CCDC91: variants seen among roughly 807,000 people sequenced by gnomAD.
CCDC91 encodes coiled-coil domain containing 91, also known as coiled-coil domain-containing protein 91.
CCDC91 carries 48 observed loss-of-function variants against 63.2 expected under a neutral mutation model. The observed-to-expected ratio is 0.76, with a 90% confidence interval of 0.60 to 0.97. The LOEUF is 0.97. CCDC91 is among the 50% of genes least tolerant of loss of function. The pLI is 0.00. For synonymous variants in CCDC91, 167 were observed against 165.8 expected, an observed-to-expected ratio of 1.01 and a Z score of -0.06; for missense variants, 500 against 494.6, an observed-to-expected ratio of 1.01 and a Z score of -0.10.
At chr12:28,379,600 A>T (rs1482300025) in intron 7 of CCDC91, among the ~76,000 whole-genome samples, 2 of 152,160 alleles carry the variant, frequency 1.3e-5, no homozygotes, top group Non-Finnish European at 2.9e-5. Flanking sequence ...AATCAAAACC[A>T]CAGTGAGATA....
At chr12:28,279,703 G>T (rs1948471491) in intron 3 of CCDC91, among the ~76,000 whole-genome samples, 1 of 151,596 alleles carries the variant, frequency 6.6e-6, no homozygotes, top group South Asian at 2.1e-4. Context: ...TTCTAGGGAA[G>T]TTTGTCTATT....
chr12:28,537,338 C>G (rs1942256678), intron 12 of CCDC91, among the ~76,000 whole-genome samples: 1 of 152,114 alleles, frequency 6.6e-6, no homozygotes, highest in African/African-American at 2.4e-5. Context: ...TCTTCATAGA[C>G]TCTTAAGCTA....
intron 3 of CCDC91, among the ~76,000 whole-genome samples, chr12:28,284,653 C>CA (rs536311445): frequency 0.23 from 30,848 of 134,624 alleles, 3,752 homozygotes; most frequent in Non-Finnish European, 0.3. Context: ...AACTAGGTCT[C>CA]AAAAAAAAAA....
chr12:28,549,128 A>G lies in CCDC91; in HGVS notation c.1281A>G (p.Lys427=), dbSNP rs1316655666. The change falls in exon 13 of 13, where the codon AAA becomes AAG. Residue 427 remains lysine (K), a synonymous_variant. Transcript: ENST00000536442. ...SLELFLSCAQ[K]QLSALIATEP... is the part of the protein sequence containing the mutation. ...AACTGTTCCTCTCCTGTGCACAGAA[A>G]CAGTTAAGTGCTTTAATAGCTACGG... is the stretch of plus-strand genomic sequence containing the variant. 6.2e-7 allele frequency: 1 copy of G among 1,612,682 alleles called. No individual in the cohort carries two copies. The highest frequency in any genetic ancestry group is 8.5e-7 in the Non-Finnish European group (1 of 1,178,974).
chr12:28,211,729 A>G (rs1428062336), intron 1 of CCDC91, among the ~76,000 whole-genome samples: 1 of 149,700 alleles, frequency 6.7e-6, no homozygotes, highest in Non-Finnish European at 1.5e-5. Context: ...TGTTGGCTTT[A>G]CTCTCAGGTT....
chr12:28,304,685 A>C (rs6487674), intron 3 of CCDC91: 1,255,333 of 1,266,680 alleles, frequency 0.99, 622,653 homozygotes, highest in East Asian at 1. Context: ...ACTTCACTGA[A>C]GTTGCTGATG....
At chr12:28,454,456 C>G (rs1014616770) in intron 11 of CCDC91, among the ~76,000 whole-genome samples, 2 of 152,032 alleles carry the variant, frequency 1.3e-5, no homozygotes, top group African/African-American at 4.8e-5. Context: ...AGCCAGTCTC[C>G]CAGGAGCCCC....
intron 8 of CCDC91, among the ~76,000 whole-genome samples, chr12:28,406,278 A>T (rs780293277): frequency 3.5e-4 from 42 of 120,742 alleles, no homozygotes; most frequent in African/African-American, 6.1e-4. Flanking sequence ...TTCTTCCAAT[A>T]AAAAAAAAAA....
chr12:28,341,587 A>G (rs1366617178), intron 6 of CCDC91, among the ~76,000 whole-genome samples: 1 of 152,218 alleles, frequency 6.6e-6, no homozygotes, highest in African/African-American at 2.4e-5. Context: ...AGGTTCCAGA[A>G]ATTAGGATGT....
chr12:28,550,049 A>T lies in CCDC91; in HGVS notation c.*876A>T, dbSNP rs1943226012. ...TGAATATTTTTAATTCAAAACTAAA[A>T]TGTCATTAATATGTATGTATGCAAA... On this transcript the variant is annotated 3_prime_UTR_variant, in exon 13 of 13. Transcript: ENST00000536442. The T allele has an allele frequency of 6.6e-6, 1 of 152,498 alleles. No individual in the cohort carries two copies. The highest frequency in any genetic ancestry group is 2.4e-5 in the African/African-American group (1 of 41,430). 9.4% of individuals were successfully genotyped at this position (152,498 alleles called of 1,614,324 possible). A position where few individuals can be genotyped will look rare whatever the true frequency, so the allele number is the denominator to read the frequency against.
rs200067608 is a variant in CCDC91, at chr12:28,360,849, A to G, written c.577-1589A>G. ...CTTAAATATTTCTTAAAATTCACCT[A>G]TTAAGCTTTCTGTGTGTACAGATTC... On this transcript the variant is annotated intron_variant, in intron 6 of 12. Transcript: ENST00000536442. Among the ~76,000 whole-genome samples, 19 of 152,142 alleles carry G rather than the reference A, an allele frequency of 1.2e-4. No homozygotes were observed. In the East Asian group the frequency reaches 3.3e-3, roughly 26 times the overall value.
intron 6 of CCDC91, among the ~76,000 whole-genome samples, chr12:28,338,850 C>CT (rs1029261159): frequency 5.3e-5 from 8 of 151,384 alleles, no homozygotes; most frequent in Non-Finnish European, 8.9e-5. Context: ...TTCTTTCTTT[C>CT]TTTTTTTTGA....
rs539050221 is a variant in CCDC91, at chr12:28,550,118, T to C, written c.*945T>C. On this transcript the variant is annotated 3_prime_UTR_variant, in exon 13 of 13. Coordinates refer to ENST00000536442, the MANE Select transcript of CCDC91 (RefSeq NM_018318.5). ...GAAATGCATCTACTTTCATGGGCTT[T>C]GTACGTTTCTGAGATTTCTCAGTGT... 14 of 152,650 alleles carry C rather than the reference T, an allele frequency of 9.2e-5. No individual in the cohort carries two copies. In the South Asian group the frequency reaches 2.7e-3, roughly 29 times the overall value. The allele number at this position is 152,650 out of a possible 1,614,324, so 9.5% of individuals were successfully genotyped here.
intron 1 of CCDC91, among the ~76,000 whole-genome samples, chr12:28,228,178 C>T (rs1414676471): frequency 6.6e-6 from 1 of 152,006 alleles, no homozygotes; most frequent in Admixed American, 6.6e-5. Context: ...TTTGGTTTGC[C>T]ATACTATGTG....
intron 1 of CCDC91, among the ~76,000 whole-genome samples, chr12:28,242,634 T>C (rs1003859032): frequency 6.6e-5 from 10 of 151,958 alleles, no homozygotes; most frequent in Admixed American, 1.3e-4. Flanking sequence ...AAAGCCATTA[T>C]TGGGGTCTAG....
At chr12:28,419,737 G>GT (rs139948565) in intron 8 of CCDC91, among the ~76,000 whole-genome samples, 2,740 of 145,332 alleles carry the variant, frequency 0.019, 75 homozygotes, top group African/African-American at 0.064. Context: ...TTCATGTGCT[G>GT]TTTTTTTTAA....
chr12:28,237,229 T>TACACAC (rs1354315062), intron 1 of CCDC91, among the ~76,000 whole-genome samples: 9 of 23,256 alleles, frequency 3.9e-4, no homozygotes, highest in Admixed American at 1.1e-3. Flanking sequence ...ACATGTGTAT[T>TACACAC]ACACATACAC....
At chr12:28,207,630 A>G (rs1282189013) in intron 1 of CCDC91, among the ~76,000 whole-genome samples, 6 of 152,226 alleles carry the variant, frequency 3.9e-5, no homozygotes, top group Non-Finnish European at 8.8e-5. Context: ...AGGTAGGCAA[A>G]TGTACCTGAA....
chr12:28,273,092 T>C (rs1486360204), intron 3 of CCDC91, among the ~76,000 whole-genome samples: 1 of 151,448 alleles, frequency 6.6e-6, no homozygotes, highest in African/African-American at 2.4e-5. Flanking sequence ...ATGCGGTGTT[T>C]GGTTTCTTGT....
Sources: gnomAD v4.1 joint callset for allele counts (sites outside exome capture counted in the v4.1 genomes callset) on GRCh38, gnomAD v4.1.1 for gene constraint, MANE v1.5 for transcripts, NCBI Gene and HGNC (gene_info 2026-07-23, HGNC 2026-07-21) for gene names.